The following CSMD1 variants were observed in gnomAD, a reference collection of about 807,000 sequenced individuals.
The protein encoded by CSMD1 is CUB and sushi domain-containing protein 1.
Under a neutral mutation model 417.5 loss-of-function variants are expected in CSMD1, and 213 were observed. The ratio of observed to expected loss-of-function variants is 0.51; its 90% confidence interval spans 0.46 to 0.57. The LOEUF (loss-of-function observed/expected upper bound fraction) is 0.57. CSMD1 is among the 20% of genes least tolerant of loss of function. CSMD1 has a pLI of 0.00. For missense variants in CSMD1, 6,923 were observed against 4,529.7 expected (o/e 1.53, Z -15.17); for synonymous variants, 2,862 against 1,736.8 (o/e 1.65, Z -16.11).
At chr8:4,242,604 C>T (rs1277393789) in intron 3 of CSMD1, among the ~76,000 whole-genome samples, 1 of 152,230 alleles carries the variant, frequency 6.6e-6, no homozygotes, top group Non-Finnish European at 1.5e-5. Context: ...TACAAATAAA[C>T]CAGACTACTG....
Position 4,324,261 on chromosome 8 carries a change from G to T in CSMD1, c.415+95692C>A, listed in dbSNP as rs138255727. Among the ~76,000 whole-genome samples the T allele has an allele frequency of 3.9e-4, 60 of 152,324 alleles. 1 individual carries two copies. In the East Asian group the frequency reaches 0.011, roughly 28 times the overall value. ...CCTACACCAAGAATGTGAGTTCTGA[G>T]ACCTTTTCCTCTTCCTCATCACTAA... On this transcript the variant is annotated intron_variant, in intron 3 of 69. Transcript: ENST00000635120.
intron 3 of CSMD1, among the ~76,000 whole-genome samples, chr8:4,312,697 C>A (rs1017908765): frequency 6.6e-6 from 1 of 151,740 alleles, no homozygotes; most frequent in East Asian, 1.9e-4. Flanking sequence ...GCCAACCTGA[C>A]GAAACCCCAT....
chr8:4,472,390 C>T (rs971403174), intron 2 of CSMD1, among the ~76,000 whole-genome samples: 2 of 152,046 alleles, frequency 1.3e-5, no homozygotes, highest in African/African-American at 2.4e-5. Flanking sequence ...AACAGTGCTT[C>T]ACTGTAGTCT....
chr8:3,636,011 G>A (rs1242171053), intron 7 of CSMD1, among the ~76,000 whole-genome samples: 1 of 151,996 alleles, frequency 6.6e-6, no homozygotes, highest in African/African-American at 2.4e-5. Context: ...CAAACACATT[G>A]AACAGCTGTA....
intron 1 of CSMD1, among the ~76,000 whole-genome samples, chr8:4,833,893 T>C (rs539639498): frequency 2.6e-5 from 4 of 152,342 alleles, no homozygotes; most frequent in Non-Finnish European, 5.9e-5. Flanking sequence ...AAACCGTACA[T>C]GTCACTTGGA....
chr8:4,709,539 G>C (rs570359137), intron 1 of CSMD1, among the ~76,000 whole-genome samples: 2 of 152,244 alleles, frequency 1.3e-5, no homozygotes, highest in Non-Finnish European at 2.9e-5. Flanking sequence ...CAGAGACCTC[G>C]AGGCTGGAGC....
At chr8:3,746,587 T>A (rs967813322) in intron 6 of CSMD1, among the ~76,000 whole-genome samples, 1 of 152,254 alleles carries the variant, frequency 6.6e-6, no homozygotes, top group Non-Finnish European at 1.5e-5. Flanking sequence ...TTAGTCTGCG[T>A]GGGATTTTTA....
chr8:4,866,728 C>T (rs1373320833), intron 1 of CSMD1, among the ~76,000 whole-genome samples: 1 of 151,950 alleles, frequency 6.6e-6, no homozygotes, highest in Admixed American at 6.6e-5. Context: ...CAATAATTTT[C>T]AACCTCGATC....
intron 3 of CSMD1, among the ~76,000 whole-genome samples, chr8:4,173,025 T>C (rs1797852430): frequency 6.6e-6 from 1 of 152,168 alleles, no homozygotes; most frequent in Non-Finnish European, 1.5e-5. Context: ...CTTGGTATTT[T>C]AGCCCCTAAT....
intron 3 of CSMD1, among the ~76,000 whole-genome samples, chr8:4,337,480 C>G (rs1480937185): frequency 6.6e-6 from 1 of 152,042 alleles, no homozygotes; most frequent in East Asian, 1.9e-4. Flanking sequence ...GGGATCTCTG[C>G]TTTGCTTTTT....
In CSMD1 at chr8:3,587,541, GA is replaced by G. The variant is rs549057119; in HGVS notation, c.1098-1282del. 7.9e-5 allele frequency among the ~76,000 whole-genome samples: 12 copies of G among 151,764 alleles called. No homozygotes were observed. In the East Asian group the frequency reaches 9.7e-4, roughly 12 times the overall value. On this transcript the variant is annotated intron_variant, in intron 8 of 69. Coordinates refer to ENST00000635120, the MANE Select transcript of CSMD1 (RefSeq NM_033225.6). The stretch of plus-strand genomic sequence containing the variant: ...AGATGCTTTCCTTTCTTGCTTAGTG[GA>G]AAAAAAATCCATATCTATAATATCA...
intron 10 of CSMD1, among the ~76,000 whole-genome samples, chr8:3,533,194 G>C (rs1798052192): frequency 6.6e-6 from 1 of 152,108 alleles, no homozygotes; most frequent in South Asian, 2.1e-4. Flanking sequence ...CAAAGAAAGA[G>C]CACCCTAAAA....
At chr8:3,746,094 A>G (rs1797053286) in intron 6 of CSMD1, among the ~76,000 whole-genome samples, 2 of 152,214 alleles carry the variant, frequency 1.3e-5, no homozygotes, top group Non-Finnish European at 2.9e-5. Context: ...TAAACATGAA[A>G]CATTGTCTGC....
At chr8:3,688,715 C>T (rs913251596) in intron 7 of CSMD1, among the ~76,000 whole-genome samples, 2 of 152,104 alleles carry the variant, frequency 1.3e-5, no homozygotes, top group Non-Finnish European at 2.9e-5. Context: ...TCTTTCTCCT[C>T]AATTAAAAAA....
intron 18 of CSMD1, among the ~76,000 whole-genome samples, chr8:3,379,530 GTAC>G (rs969520280): frequency 4.6e-5 from 7 of 152,124 alleles, no homozygotes; most frequent in Non-Finnish European, 7.3e-5. Flanking sequence ...AAACAGCAAG[GTAC>G]TGGTACCAAA....
In CSMD1 at chr8:3,825,696, G is replaced by C. The variant is rs143237655; in HGVS notation, c.819-71654C>G. On this transcript the variant is annotated intron_variant, in intron 5 of 69. Transcript: ENST00000635120. ...CTCTAGGCTCAAGAGCTCCCTCAAA[G>C]ACATAGTAGCTAGCTAAGGAAAATT... 7.2e-3 allele frequency among the ~76,000 whole-genome samples: 1,096 copies of C among 152,248 alleles called. 10 individuals carry two copies. Among genetic ancestry groups the C allele is most frequent in the Middle Eastern group, 0.02 (6 of 294 alleles).
At chr8:3,474,456 T>G (rs1036646721) in intron 11 of CSMD1, among the ~76,000 whole-genome samples, 3 of 152,126 alleles carry the variant, frequency 2.0e-5, no homozygotes, top group Admixed American at 2.0e-4. Flanking sequence ...CCCCTATGAA[T>G]GTCACTCATC....
chr8:4,798,319 T>A (rs1004492984), intron 1 of CSMD1, among the ~76,000 whole-genome samples: 1 of 152,226 alleles, frequency 6.6e-6, no homozygotes, highest in Non-Finnish European at 1.5e-5. Flanking sequence ...GCTTCATCCA[T>A]GTCCCTACAA....
At chr8:4,367,413 T>C (rs950350516) in intron 3 of CSMD1, among the ~76,000 whole-genome samples, 1 of 152,156 alleles carries the variant, frequency 6.6e-6, no homozygotes, top group African/African-American at 2.4e-5. Flanking sequence ...TTTTCATTGG[T>C]CTATGTGTCT....
Sources: gnomAD v4.1 joint callset for allele counts (sites outside exome capture counted in the v4.1 genomes callset) on GRCh38, gnomAD v4.1.1 for gene constraint, MANE v1.5 for transcripts, NCBI Gene and HGNC (gene_info 2026-07-23, HGNC 2026-07-21) for gene names.